The following FBXO42 variants were observed in gnomAD, a reference collection of about 807,000 sequenced individuals.
FBXO42 encodes F-box protein 42.
FBXO42 carries 12 observed loss-of-function variants against 71.7 expected under a neutral mutation model. That is an observed-to-expected ratio of 0.17 (90% CI 0.11 to 0.27). The LOEUF (loss-of-function observed/expected upper bound fraction) is 0.27. Ranked by LOEUF, FBXO42 falls within the 10% of genes least tolerant of loss-of-function variation. The pLI is 1.00. For missense variants in FBXO42, 707 were observed against 911.9 expected (o/e 0.78, Z 2.89); for synonymous variants, 325 against 327.5 (o/e 0.99, Z 0.08).
intron 3 of FBXO42, among the ~76,000 whole-genome samples, chr1:16,304,548 C>T (rs1257756557): frequency 4.6e-5 from 7 of 152,134 alleles, no homozygotes; most frequent in Admixed American, 4.6e-4. Context: ...AATCTGACTA[C>T]TCCCTAAGCA....
intron 1 of FBXO42, among the ~76,000 whole-genome samples, chr1:16,326,452 G>A (rs1370332284): frequency 6.6e-6 from 1 of 151,712 alleles, no homozygotes; most frequent in East Asian, 2.0e-4. Flanking sequence ...GGGAGGCCAA[G>A]GCAAGTGGAT....
At position 16,336,561 on chromosome 1, in the gene FBXO42, T is replaced by G. The variant is rs373514773; in HGVS notation, c.-18+15694A>C. Reference sequence around the variant, plus strand: ...TTAGGGGAGAGGGGTTTCACCATGTTGGCCAGGCTGGTCTTGAACTCCTGA... The same window carrying G: ...TTAGGGGAGAGGGGTTTCACCATGTGGGCCAGGCTGGTCTTGAACTCCTGA... On this transcript the variant is annotated intron_variant, in intron 1 of 9. Transcript: ENST00000375592. 9.3e-4 allele frequency among the ~76,000 whole-genome samples: 140 copies of G among 151,344 alleles called. 1 individual carries two copies. Among genetic ancestry groups the G allele is most frequent in the African/African-American group, 3.4e-3 (140 of 41,336 alleles).
intron 1 of FBXO42, among the ~76,000 whole-genome samples, chr1:16,318,783 G>A (rs897200753): frequency 1.3e-5 from 2 of 152,100 alleles, no homozygotes; most frequent in African/African-American, 4.8e-5. Flanking sequence ...AGACCACAAT[G>A]CAGACCTGAC....
Position 16,311,487 on chromosome 1 carries a change from CAAAAAAA to C in FBXO42, c.250+3675_250+3681del, listed in dbSNP as rs138051911. ...TGGGTGACAGAGCAAGATCTTGTCT[CAAAAAAA>C]AAAAAAAAAATATATATATATATAT... On this transcript the variant is annotated intron_variant, in intron 2 of 9. Transcript: ENST00000375592. 7.7e-3 allele frequency among the ~76,000 whole-genome samples: 850 copies of C among 110,730 alleles called. 8 individuals carry two copies. Among genetic ancestry groups the C allele is most frequent in the Middle Eastern group, 0.017 (3 of 178 alleles). The allele number at this position is 110,730 out of a possible 152,430, so 72.6% of individuals were successfully genotyped here. A position where few individuals can be genotyped will look rare whatever the true frequency, so the allele number is the denominator to read the frequency against.
In FBXO42 at chr1:16,283,497, T is replaced by G. The variant is rs1007139922; in HGVS notation, c.502+11286A>C. 2.3e-5 allele frequency among the ~76,000 whole-genome samples: 3 copies of G among 133,298 alleles called. No homozygotes were observed. The South Asian group carries it at 7.6e-4, about 34-fold the overall frequency. 87.4% of individuals were successfully genotyped at this position (133,298 alleles called of 152,430 possible). On this transcript the variant is annotated intron_variant, in intron 4 of 9. Coordinates refer to ENST00000375592, the MANE Select transcript of FBXO42 (RefSeq NM_018994.3). ...TAGACTCTTCTAACTGTGGCAAGTT[T>G]TTTTTTTTTTTTTTTTTTTTGAGAC...
chr1:16,272,194 T>C (rs1275908279), intron 4 of FBXO42, among the ~76,000 whole-genome samples: 1 of 142,732 alleles, frequency 7.0e-6, no homozygotes, highest in East Asian at 2.0e-4. Flanking sequence ...TAGACTGAAA[T>C]GATTAATGTC....
intron 1 of FBXO42, among the ~76,000 whole-genome samples, chr1:16,346,007 A>T (rs373038834): frequency 6.6e-6 from 1 of 152,200 alleles, no homozygotes; most frequent in African/African-American, 2.4e-5. Context: ...CACACTACCA[A>T]CTTAAGGAGG....
chr1:16,311,494 AAAAAAAAAAATAT>A (rs990548256), intron 2 of FBXO42, among the ~76,000 whole-genome samples: 5 of 103,468 alleles, frequency 4.8e-5, no homozygotes, highest in African/African-American at 1.7e-4. Context: ...TCTCAAAAAA[AAAAAAAAAAATAT>A]ATATATATAT....
chr1:16,327,622 C>T (rs1471144238), intron 1 of FBXO42, among the ~76,000 whole-genome samples: 1 of 152,176 alleles, frequency 6.6e-6, no homozygotes, highest in Non-Finnish European at 1.5e-5. Flanking sequence ...CCAAGTAACA[C>T]AGAAAAGTGA....
At chr1:16,292,646 A>G (rs1428532305) in intron 4 of FBXO42, 1 of 152,152 alleles carries the variant, frequency 6.6e-6, no homozygotes, top group Non-Finnish European at 1.5e-5. Context: ...GTCTTACTCC[A>G]TATTACAGGG....
chr1:16,321,374 T>TA (rs1271674166), intron 1 of FBXO42, among the ~76,000 whole-genome samples: 1 of 152,202 alleles, frequency 6.6e-6, no homozygotes, highest in African/African-American at 2.4e-5. Context: ...CCCCCAAGGA[T>TA]ATAGAGGCAT....
At position 16,251,323 on chromosome 1, in the gene FBXO42, C is replaced by A. The variant is rs751076545; in HGVS notation, c.1501G>T (p.Asp501Tyr). ...GCGGGTTTCAGATCCCAATTCAGAT[C>A]TATGGATCCTAATCTCAGATCTTTC... ...DQKDLRLGSI[D>Y]LNWDLKPASS... is the part of the protein sequence containing the mutation. Residue 501 changes from aspartate (D) to tyrosine (Y), a missense_variant, in exon 10 of 10, where the codon GAT becomes TAT. Physicochemically the swap from Asp to Tyr is radical, Grantham distance 160. Around this residue, in one of 5 missense-constraint regions of FBXO42, gnomAD observed 482 missense variants for 587.1 expected, o/e 0.82. Transcript: ENST00000375592. The surrounding 1 kb of genome is among the most constrained non-coding windows in gnomAD (Gnocchi z 4.5). 1 of 1,614,232 alleles carries A rather than the reference C, an allele frequency of 6.2e-7. No homozygotes were observed. Among genetic ancestry groups the A allele is most frequent in the Non-Finnish European group, 8.5e-7 (1 of 1,180,038 alleles).
intron 4 of FBXO42, among the ~76,000 whole-genome samples, chr1:16,289,157 G>A (rs1370064420): frequency 6.6e-6 from 1 of 151,920 alleles, no homozygotes; most frequent in Non-Finnish European, 1.5e-5. Flanking sequence ...CACTTTGGGA[G>A]GCCAAGGCAG....
chr1:16,296,918 CTCCCCCGCA>C (rs2082136323), intron 3 of FBXO42, among the ~76,000 whole-genome samples: 1 of 142,664 alleles, frequency 7.0e-6, no homozygotes, highest in African/African-American at 2.6e-5. Context: ...AAACTCCCCC[CTCCCCCGCA>C]CCCCCCACCC....
chr1:16,343,282 G>A (rs916708740), intron 1 of FBXO42, among the ~76,000 whole-genome samples: 2 of 152,122 alleles, frequency 1.3e-5, no homozygotes, highest in Non-Finnish European at 2.9e-5. Context: ...AGTGGCTCAC[G>A]CCTGCAATGC....
Position 16,251,921 on chromosome 1 carries a change from T to C in FBXO42, c.1039-136A>G. The C allele has an allele frequency of 8.8e-7, 1 of 1,135,018 alleles. No individual in the cohort carries two copies. The highest frequency in any genetic ancestry group is 1.2e-6 in the Non-Finnish European group (1 of 816,380). 70.3% of individuals were successfully genotyped at this position (1,135,018 alleles called of 1,614,324 possible). ...CTGAGATATGAAGATGAAAATGATG[T>C]AGTCTGCCCTCTAGGCTAGAAGTCA... On this transcript the variant is annotated intron_variant, in intron 9 of 9. Transcript: ENST00000375592. This position sits in a 1 kb window ranked among gnomAD's most constrained non-coding sequence, Gnocchi z 4.5.
At chr1:16,344,539 T>C (rs2082637849) in intron 1 of FBXO42, among the ~76,000 whole-genome samples, 2 of 149,590 alleles carry the variant, frequency 1.3e-5, no homozygotes, top group South Asian at 4.2e-4. Flanking sequence ...TTTCCCCATG[T>C]TGGCCAGGCT....
At chr1:16,312,082 G>A (rs1011807945) in intron 2 of FBXO42, among the ~76,000 whole-genome samples, 1 of 152,094 alleles carries the variant, frequency 6.6e-6, no homozygotes, top group East Asian at 1.9e-4. Flanking sequence ...GAGGAAGCCG[G>A]GCACGGTGGC....
intron 1 of FBXO42, among the ~76,000 whole-genome samples, chr1:16,317,658 T>A (rs142625537): frequency 6.6e-6 from 1 of 152,032 alleles, no homozygotes; most frequent in East Asian, 1.9e-4. Flanking sequence ...GCACAGTGGC[T>A]CATGCCTATA....
Sources: gnomAD v4.1 joint callset for allele counts (sites outside exome capture counted in the v4.1 genomes callset) on GRCh38, gnomAD v4.1.1 for gene constraint, gnomAD v4.1.1 regional missense constraint, Gnocchi (gnomAD v3.1) non-coding constraint, MANE v1.5 for transcripts, NCBI Gene and HGNC (gene_info 2026-07-23, HGNC 2026-07-21) for gene names.